ZNF723: variants seen among roughly 807,000 people sequenced by gnomAD.
The protein encoded by ZNF723 is zinc finger protein 723, pseudogene.
A neutral mutation model predicts 9.4 loss-of-function variants in ZNF723; 5 were observed. That is an observed-to-expected ratio of 0.53 (90% CI 0.28 to 1.12). ZNF723 has a LOEUF of 1.12. ZNF723 is among the 50% of genes most tolerant of loss of function. The pLI, the probability that ZNF723 is intolerant of heterozygous loss-of-function variation, is 0.10. For missense variants in ZNF723, 450 were observed against 501.5 expected, an observed-to-expected ratio of 0.90 and a Z score of 0.98; for synonymous variants, 158 against 168.8, an observed-to-expected ratio of 0.94 and a Z score of 0.49.
the ZNF723 span, among the ~76,000 whole-genome samples, chr19:22,814,458 A>C: frequency 2.6e-5 from 4 of 152,178 alleles, no homozygotes; most frequent in African/African-American, 9.7e-5. Flanking sequence ...GGAAAATTGA[A>C]TTACATATGT....
At chr19:22,830,802 G>A (rs149950437), upstream of ZNF723, among the ~76,000 whole-genome samples, 1,332 of 151,876 alleles carry the variant, frequency 8.8e-3, 22 homozygotes, top group African/African-American at 0.031. Context: ...TCATTCTGTC[G>A]CCTAGGCTGG....
intron 1 of ZNF723, among the ~76,000 whole-genome samples, chr19:22,834,468 C>T (rs980510990): frequency 1.3e-5 from 2 of 151,416 alleles, no homozygotes; most frequent in African/African-American, 2.4e-5. Flanking sequence ...GTTTTGTGTC[C>T]GCAGTCACCA....
intron 3 of ZNF723, among the ~76,000 whole-genome samples, chr19:22,851,852 T>TCTGGGCTCACCGCTACTTCCGCCTC (rs1399758189): frequency 6.6e-6 from 1 of 152,196 alleles, no homozygotes; most frequent in African/African-American, 2.4e-5. Flanking sequence ...AATGGCGCGA[T>TCTGGGCTCACCGCTACTTCCGCCTC]CTGGGCTCAC....
chr19:22,822,488 A>T, the ZNF723 span, among the ~76,000 whole-genome samples: 1 of 152,238 alleles, frequency 6.6e-6, no homozygotes, highest in East Asian at 1.9e-4. Flanking sequence ...AGGTCACAGA[A>T]GATTGTAAAA....
the ZNF723 span, among the ~76,000 whole-genome samples, chr19:22,821,043 A>G: frequency 6.6e-6 from 1 of 152,202 alleles, no homozygotes; most frequent in African/African-American, 2.4e-5. Flanking sequence ...CACAGCTGTG[A>G]GGCTGTGATT....
intron 1 of ZNF723, among the ~76,000 whole-genome samples, chr19:22,839,590 C>T (rs1967214333): frequency 6.6e-6 from 1 of 151,366 alleles, no homozygotes; most frequent in African/African-American, 2.4e-5. Context: ...TCTCATGTCT[C>T]AGCCTCCTGA....
At chr19:22,827,306 G>A (rs762687255), upstream of ZNF723, among the ~76,000 whole-genome samples, 3 of 152,148 alleles carry the variant, frequency 2.0e-5, no homozygotes, top group South Asian at 6.2e-4. Context: ...CAGTTGTAGG[G>A]GATTAATGAA....
the ZNF723 span, among the ~76,000 whole-genome samples, chr19:22,826,021 G>T: frequency 6.6e-6 from 1 of 152,116 alleles, no homozygotes; most frequent in Non-Finnish European, 1.5e-5. Context: ...ATATCTTTGG[G>T]TTCATCACCT....
the ZNF723 span, among the ~76,000 whole-genome samples, chr19:22,819,817 A>G: frequency 6.6e-6 from 1 of 152,150 alleles, no homozygotes; most frequent in Non-Finnish European, 1.5e-5. Flanking sequence ...TGGGACTGTG[A>G]TGTATCACTA....
intron 3 of ZNF723, among the ~76,000 whole-genome samples, chr19:22,854,850 C>T (rs1967450788): frequency 6.6e-6 from 1 of 152,068 alleles, no homozygotes; most frequent in Admixed American, 6.6e-5. Flanking sequence ...GAGTTCGAGT[C>T]CAGCCTGACC....
At chr19:22,849,770 G>A (rs560867008) in intron 3 of ZNF723, among the ~76,000 whole-genome samples, 6 of 152,154 alleles carry the variant, frequency 3.9e-5, no homozygotes, top group African/African-American at 1.2e-4. Flanking sequence ...TTTGTTGCTC[G>A]TGGTGGCGCA....
At chr19:22,825,634 T>C in the ZNF723 span, among the ~76,000 whole-genome samples, 2 of 152,154 alleles carry the variant, frequency 1.3e-5, no homozygotes, top group Non-Finnish European at 2.9e-5. Flanking sequence ...ACTGGGAGCA[T>C]TGTGGCATAT....
In ZNF723 at chr19:22,858,604, A is replaced by G; in HGVS notation, c.*171A>G. 2.2e-6 allele frequency: 1 copy of G among 445,636 alleles called. No individual in the cohort carries two copies. Among genetic ancestry groups the G allele is most frequent in the East Asian group, 3.5e-5 (1 of 28,528 alleles). The allele number at this position is 445,636 out of a possible 1,614,324, so 27.6% of individuals were successfully genotyped here. On this transcript the variant is annotated 3_prime_UTR_variant, in exon 4 of 4. Coordinates refer to ENST00000600766, the MANE Select transcript of ZNF723 (RefSeq NM_001349726.2). ...CATGGTGAAACAACGTCTCTACTAA[A>G]ATACAAAAAAAATTAGCCGGGTGTA...
the ZNF723 span, among the ~76,000 whole-genome samples, chr19:22,819,580 T>C: frequency 1.3e-5 from 2 of 152,222 alleles, no homozygotes; most frequent in Admixed American, 6.5e-5. Flanking sequence ...ACCCCTGCCA[T>C]CTAGGGTGAT....
At chr19:22,839,973 T>C (rs1219407947) in intron 1 of ZNF723, among the ~76,000 whole-genome samples, 2 of 151,374 alleles carry the variant, frequency 1.3e-5, no homozygotes, top group Admixed American at 6.6e-5. Context: ...TTGTTTGTTT[T>C]TCCTTGTAAA....
Position 22,858,311 on chromosome 19 carries a change from A to G in ZNF723, c.1420A>G (p.Ile474Val). The G allele has an allele frequency of 8.5e-7, 1 of 1,175,154 alleles. No individual in the cohort carries two copies. The highest frequency in any genetic ancestry group is 1.3e-6 in the Non-Finnish European group (1 of 789,008). The allele number at this position is 1,175,154 out of a possible 1,614,324, so 72.8% of individuals were successfully genotyped here. ...QYSTLNKHKI[I>V]HAREKPYKCE... ...TTCAACCCTTAATAAACATAAGATA[A>G]TTCATGCTAGAGAGAAGCCTTACAA... Residue 474 changes from isoleucine (I) to valine (V), a missense_variant, in exon 4 of 4, where the codon ATT (isoleucine) becomes GTT (valine). Ile to Val is a conservative substitution (Grantham distance 29, BLOSUM62 3). Coordinates refer to ENST00000600766, the MANE Select transcript of ZNF723 (RefSeq NM_001349726.2).
chr19:22,844,840 T>C (rs1450291767), intron 1 of ZNF723, among the ~76,000 whole-genome samples: 1 of 152,184 alleles, frequency 6.6e-6, no homozygotes, highest in Non-Finnish European at 1.5e-5. Flanking sequence ...CACACATTCA[T>C]GGCCGGCGTG....
rs569546066 is a variant in ZNF723, at chr19:22,841,135, C to T, written c.4-7126C>T. Among the ~76,000 whole-genome samples the T allele has an allele frequency of 2.0e-5, 3 of 152,302 alleles. No homozygotes were observed. In the East Asian group the frequency reaches 5.8e-4, roughly 29 times the overall value. On this transcript the variant is annotated intron_variant, in intron 1 of 3. Transcript: ENST00000600766. ...GCCATTGCTTTAAAATATAAATAGC[C>T]AAAAAGATAACACCCTATTCAGCCA... is the stretch of plus-strand genomic sequence containing the variant.
intron 1 of ZNF723, among the ~76,000 whole-genome samples, chr19:22,844,093 G>C (rs570494509): frequency 6.6e-6 from 1 of 152,220 alleles, no homozygotes; most frequent in African/African-American, 2.4e-5. Flanking sequence ...AGTTTTGGCT[G>C]GTGAATCCTG....
Sources: gnomAD v4.1 joint callset for allele counts (sites outside exome capture counted in the v4.1 genomes callset) on GRCh38, gnomAD v4.1.1 for gene constraint, MANE v1.5 for transcripts, NCBI Gene and HGNC (gene_info 2026-07-23, HGNC 2026-07-21) for gene names.